ARMH3: variants seen among roughly 807,000 people sequenced by gnomAD.
The protein encoded by ARMH3 is armadillo-like helical domain-containing protein 3.
In ARMH3, 60 loss-of-function variants were observed where a neutral mutation model predicts 99.1. That is an observed-to-expected ratio of 0.61 (90% CI 0.49 to 0.75). The LOEUF (loss-of-function observed/expected upper bound fraction) is 0.75. Ranked by LOEUF, ARMH3 falls within the 30% of genes least tolerant of loss-of-function variation. The pLI is 0.00. For synonymous variants in ARMH3, 285 were observed against 292.8 expected (o/e 0.97, Z 0.27); for missense variants, 679 against 843.1 (o/e 0.81, Z 2.41).
intron 15 of ARMH3, 103 bp downstream of exon 15, chr10:102,001,868 A>G (rs1246660680): frequency 7.8e-5 from 81 of 1,039,668 alleles, no homozygotes; most frequent in East Asian, 6.5e-4. Context: ...CAAGGCCCCA[A>G]TAGTTCATCT....
chr10:101,974,984 C>A (rs1845924803), intron 20 of ARMH3, among the ~76,000 whole-genome samples: 1 of 104,320 alleles, frequency 9.6e-6, no homozygotes, highest in Admixed American at 1.3e-4. Flanking sequence ...GGGGAAGGAA[C>A]AAGGGACAAA....
At position 101,860,618 on chromosome 10, in the gene ARMH3, T is replaced by C. The variant is rs2066844297; in HGVS notation, c.1861-10726A>G. Among the ~76,000 whole-genome samples the C allele has an allele frequency of 6.6e-5, 10 of 152,322 alleles. No homozygotes were observed. The South Asian group carries it at 2.1e-3, about 32-fold the overall frequency. On this transcript the variant is annotated intron_variant, in intron 24 of 25. Coordinates refer to ENST00000370033, the MANE Select transcript of ARMH3 (RefSeq NM_024541.3). ...AATTTGTTCCTAAATATTAATAATA[T>C]GGATTGCATATGTTGGGTCTGACTC... is the stretch of plus-strand genomic sequence containing the variant.
intron 24 of ARMH3, among the ~76,000 whole-genome samples, chr10:101,885,728 G>C (rs2067524102): frequency 6.6e-6 from 1 of 152,152 alleles, no homozygotes; most frequent in African/African-American, 2.4e-5. Flanking sequence ...CAATGTGAAT[G>C]TATTTAATGC....
At chr10:102,008,271 T>C (rs1291312153) in intron 13 of ARMH3, among the ~76,000 whole-genome samples, 12 of 152,170 alleles carry the variant, frequency 7.9e-5, no homozygotes, top group Admixed American at 7.9e-4. Context: ...AAAATTCAAA[T>C]CAATAGATTC....
intron 23 of ARMH3, among the ~76,000 whole-genome samples, chr10:101,909,409 T>C (rs1348654146): frequency 6.1e-5 from 8 of 131,232 alleles, no homozygotes; most frequent in Non-Finnish European, 1.1e-4. Context: ...CCCTAAACCC[T>C]ATCTCAAAAA....
At chr10:101,984,551 G>A (rs1489499957) in intron 19 of ARMH3, among the ~76,000 whole-genome samples, 1 of 151,714 alleles carries the variant, frequency 6.6e-6, no homozygotes, top group East Asian at 1.9e-4. Flanking sequence ...CTTTGATAAC[G>A]CCATCCCACC....
chr10:101,895,978 T>C (rs1222757226), intron 23 of ARMH3, among the ~76,000 whole-genome samples: 2 of 151,996 alleles, frequency 1.3e-5, no homozygotes, highest in East Asian at 1.9e-4. Context: ...AAAAAGAGAA[T>C]AGCAAGGCTG....
chr10:102,029,298 G>A (rs2067069576), intron 5 of ARMH3: 1 of 795,864 alleles, frequency 1.3e-6, no homozygotes, highest in Non-Finnish European at 1.9e-6. Flanking sequence ...TGTTAAATAA[G>A]CTTAAAGTTT....
At chr10:101,944,251 TATATATATATATATATATATATAGAG>T in intron 22 of ARMH3, among the ~76,000 whole-genome samples, 1 of 44,926 alleles carries the variant, frequency 2.2e-5, no homozygotes, top group Non-Finnish European at 3.8e-5. Flanking sequence ...CCTATATATA[TATATATATATATATATATATATAGAG>T]AGAGAGAGAG....
At chr10:101,944,267 TATATATAGAGAGAGAGAGAGAGAGAGAG>T (rs1380465572) in intron 22 of ARMH3, among the ~76,000 whole-genome samples, 868 of 50,906 alleles carry the variant, frequency 0.017, 6 homozygotes, top group East Asian at 0.031. Flanking sequence ...TATATATATA[TATATATAGAGAGAGAGAGAGAGAGAGAG>T]AGAGAGAGAG....
At chr10:101,934,952 G>A (rs1256226851) in intron 23 of ARMH3, among the ~76,000 whole-genome samples, 4 of 151,880 alleles carry the variant, frequency 2.6e-5, no homozygotes, top group Non-Finnish European at 5.9e-5. Context: ...ACGGGTTTTA[G>A]ATACTAAAGT....
At chr10:101,942,851 G>GCAAGACTCCAT (rs1412580756) in intron 22 of ARMH3, among the ~76,000 whole-genome samples, 4 of 144,400 alleles carry the variant, frequency 2.8e-5, no homozygotes, top group Non-Finnish European at 4.5e-5. Flanking sequence ...AGGCAACAGA[G>GCAAGACTCCAT]CAAGACTCCA....
chr10:102,037,422 G>T (rs934232106), intron 2 of ARMH3, among the ~76,000 whole-genome samples: 2 of 152,102 alleles, frequency 1.3e-5, no homozygotes, highest in South Asian at 2.1e-4. Flanking sequence ...GACCTCATGT[G>T]ATCTGCCCCC....
chr10:101,860,004 A>C (rs1487689433), intron 24 of ARMH3, among the ~76,000 whole-genome samples: 2 of 152,180 alleles, frequency 1.3e-5, no homozygotes, highest in Non-Finnish European at 2.9e-5. Flanking sequence ...CTGTTGAGAG[A>C]TATGAAGGTT....
chr10:101,895,319 G>A (rs896480585), intron 23 of ARMH3, among the ~76,000 whole-genome samples: 3 of 142,628 alleles, frequency 2.1e-5, no homozygotes, highest in East Asian at 2.0e-4. Flanking sequence ...TCGCTCTGTC[G>A]CCCAGGCTGC....
chr10:102,024,816 C>CT (rs1487656506), intron 6 of ARMH3, among the ~76,000 whole-genome samples: 2 of 147,314 alleles, frequency 1.4e-5, no homozygotes, highest in East Asian at 3.9e-4. Flanking sequence ...AAGACTCTGT[C>CT]TCAAAAAAAA....
At chr10:101,955,127 G>A (rs1347979977) in intron 22 of ARMH3, among the ~76,000 whole-genome samples, 1 of 152,136 alleles carries the variant, frequency 6.6e-6, no homozygotes, top group Non-Finnish European at 1.5e-5. Context: ...AGGGTAACCT[G>A]AGCACATCTA....
chr10:102,002,125 CT>C (rs770199643), intron 14 of ARMH3, 53 bp from the exon 15 acceptor site: 11 of 1,597,520 alleles, frequency 6.9e-6, no homozygotes, highest in Non-Finnish European at 9.4e-6. Flanking sequence ...CCATCTAACA[CT>C]TCTACCCACA....
At chr10:101,926,032 G>C (rs1275172468) in intron 23 of ARMH3, among the ~76,000 whole-genome samples, 1 of 152,170 alleles carries the variant, frequency 6.6e-6, no homozygotes, top group Non-Finnish European at 1.5e-5. Context: ...TTTATGCTTT[G>C]GGAAGGAGAC....
Sources: gnomAD v4.1 joint callset for allele counts (sites outside exome capture counted in the v4.1 genomes callset) on GRCh38, gnomAD v4.1.1 for gene constraint, MANE v1.5 for transcripts, NCBI Gene and HGNC (gene_info 2026-07-23, HGNC 2026-07-21) for gene names.